NRXN3: variants seen among roughly 807,000 people sequenced by gnomAD.
NRXN3 encodes neurexin III.
In NRXN3, 32 loss-of-function variants were observed where a neutral mutation model predicts 137.6. That is an observed-to-expected ratio of 0.23 (90% CI 0.18 to 0.31). NRXN3 has a LOEUF of 0.31. Ranked by LOEUF, NRXN3 falls within the 10% of genes least tolerant of loss-of-function variation. The probability of loss-of-function intolerance (pLI) is 1.00; values close to 1 mark genes in which losing one functional copy is unlikely to be tolerated. For synonymous variants in NRXN3, 798 were observed against 784.5 expected, an observed-to-expected ratio of 1.02 and a Z score of -0.29; for missense variants, 1,574 against 2,062.5, an observed-to-expected ratio of 0.76 and a Z score of 4.59.
chr14:79,590,163 CAT>C (rs1206372690), intron 16 of NRXN3, among the ~76,000 whole-genome samples: 1 of 152,086 alleles, frequency 6.6e-6, no homozygotes, highest in Non-Finnish European at 1.5e-5. Flanking sequence ...ACAATTCCCA[CAT>C]GTCGTGGGAG....
At chr14:79,019,190 A>T (rs145292926) in intron 15 of NRXN3, among the ~76,000 whole-genome samples, 12 of 152,188 alleles carry the variant, frequency 7.9e-5, no homozygotes, top group Non-Finnish European at 1.5e-4. Flanking sequence ...TTTCCTCGTG[A>T]TGTTGATAAA....
intron 15 of NRXN3, among the ~76,000 whole-genome samples, chr14:79,274,914 C>CT (rs2080039485): frequency 6.6e-6 from 1 of 152,130 alleles, no homozygotes; most frequent in Non-Finnish European, 1.5e-5. Context: ...TATACATTCT[C>CT]TAAACTATAC....
chr14:78,228,987 G>A (rs1389179432), intron 1 of NRXN3, among the ~76,000 whole-genome samples: 1 of 152,184 alleles, frequency 6.6e-6, no homozygotes, highest in Non-Finnish European at 1.5e-5. Flanking sequence ...GGAAAAATGA[G>A]TAAAAAGGAA....
chr14:78,940,998 A>C (rs1014655278), intron 10 of NRXN3, among the ~76,000 whole-genome samples: 2 of 152,150 alleles, frequency 1.3e-5, no homozygotes, highest in African/African-American at 4.8e-5. Context: ...GCACATAACC[A>C]CATTTTCTCC....
chr14:78,183,009 TG>T (rs1243663449), intron 1 of NRXN3, among the ~76,000 whole-genome samples: 1 of 152,116 alleles, frequency 6.6e-6, no homozygotes, highest in East Asian at 1.9e-4. Context: ...CATCACCTGC[TG>T]GGTAATGCTA....
chr14:78,564,483 C>A (rs543645076), intron 4 of NRXN3, among the ~76,000 whole-genome samples: 1 of 152,148 alleles, frequency 6.6e-6, no homozygotes, highest in African/African-American at 2.4e-5. Flanking sequence ...GCCAGAATCT[C>A]TGTTTGTTTA....
chr14:79,424,178 C>T (rs1458622429), intron 15 of NRXN3, among the ~76,000 whole-genome samples: 4 of 152,308 alleles, frequency 2.6e-5, no homozygotes, highest in Middle Eastern at 3.4e-3. Context: ...CACAGACACA[C>T]ATACAGAGAC....
chr14:78,637,546 T>A (rs547447232), intron 4 of NRXN3, among the ~76,000 whole-genome samples: 5 of 152,334 alleles, frequency 3.3e-5, no homozygotes. Context: ...AGCAACTCTA[T>A]GAAATATGTA....
intron 4 of NRXN3, among the ~76,000 whole-genome samples, chr14:78,466,432 A>G (rs4903764): frequency 0.98 from 148,512 of 152,286 alleles, 72,505 homozygotes; most frequent in Non-Finnish European, 1. Flanking sequence ...TAGTATTTCT[A>G]TGGACAGAGG....
At chr14:79,326,688 A>G (rs1191239548) in intron 15 of NRXN3, among the ~76,000 whole-genome samples, 2 of 152,208 alleles carry the variant, frequency 1.3e-5, no homozygotes, top group Non-Finnish European at 2.9e-5. Context: ...TGAAATAAAT[A>G]TAAAAGATCT....
Position 78,993,212 on chromosome 14 carries a change from T to C in NRXN3, c.3262+5071T>C, listed in dbSNP as rs529585369. Among the ~76,000 whole-genome samples the C allele has an allele frequency of 9.2e-5, 14 of 152,288 alleles. No homozygotes were observed. In the South Asian group the frequency reaches 2.9e-3, roughly 32 times the overall value. On this transcript the variant is annotated intron_variant, in intron 15 of 20. Transcript: ENST00000335750. ...TTTATTTATTGTGTGGGTTTATTTATTTTTTTAATGTAGGTTGGTGTATTG... is the reference window on the plus strand; with the variant it reads ...TTTATTTATTGTGTGGGTTTATTTACTTTTTTAATGTAGGTTGGTGTATTG...
intron 4 of NRXN3, among the ~76,000 whole-genome samples, chr14:78,493,706 T>A (rs1414000084): frequency 6.6e-6 from 1 of 151,936 alleles, no homozygotes; most frequent in African/African-American, 2.4e-5. Flanking sequence ...GGGAGATACT[T>A]AGAGAAAAAA....
chr14:79,708,349 G>A (rs1371349378), intron 19 of NRXN3, among the ~76,000 whole-genome samples: 2 of 152,024 alleles, frequency 1.3e-5, no homozygotes, highest in Non-Finnish European at 2.9e-5. Flanking sequence ...TTTATATTGA[G>A]GACTTGAGGA....
chr14:79,807,559 G>A (rs866271761), intron 20 of NRXN3, among the ~76,000 whole-genome samples: 10 of 152,114 alleles, frequency 6.6e-5, no homozygotes, highest in South Asian at 2.1e-4. Flanking sequence ...TAGAGGCCAC[G>A]CAGGTATTTT....
In NRXN3 at chr14:79,861,491, T is replaced by G. The variant is rs1568484481; in HGVS notation, c.4243T>G (p.Ser1415Ala). ...LSPELIRFTA[S>A]SSSGMVPKLP... ...CCCTGAGCTGATCCGCTTCACAGCT[T>G]CCTCCTCGTCTGGGATGGTGCCCAA... The change falls in exon 21 of 21, where the codon TCC becomes GCC. Residue 1415 changes from serine (S) to alanine (A), a missense_variant. Coordinates refer to ENST00000335750, the MANE Select transcript of NRXN3 (RefSeq NM_001330195.2). The surrounding 1 kb of genome is among the most constrained non-coding windows in gnomAD (Gnocchi z 5.4). 6.5e-7 allele frequency: 1 copy of G among 1,538,434 alleles called. No individual in the cohort carries two copies. Among genetic ancestry groups the G allele is most frequent in the Non-Finnish European group, 8.7e-7 (1 of 1,147,130 alleles).
intron 16 of NRXN3, among the ~76,000 whole-genome samples, chr14:79,651,641 T>C (rs192520995): frequency 9.9e-4 from 151 of 152,254 alleles, no homozygotes; most frequent in Non-Finnish European, 1.8e-3. Flanking sequence ...AATTAGAGAA[T>C]AAATCTGGTT....
At chr14:78,258,147 T>G (rs1372396150) in intron 2 of NRXN3, among the ~76,000 whole-genome samples, 2 of 152,206 alleles carry the variant, frequency 1.3e-5, no homozygotes, top group Non-Finnish European at 2.9e-5. Context: ...GAGGTTTAAA[T>G]GAGATAGTGC....
At chr14:78,511,891 A>T (rs1375813989) in intron 4 of NRXN3, among the ~76,000 whole-genome samples, 1 of 152,156 alleles carries the variant, frequency 6.6e-6, no homozygotes, top group Admixed American at 6.5e-5. Context: ...CACTTCTATG[A>T]GAGCATCAGT....
chr14:79,722,430 T>C (rs2098847868), intron 19 of NRXN3, among the ~76,000 whole-genome samples: 1 of 152,096 alleles, frequency 6.6e-6, no homozygotes, highest in African/African-American at 2.4e-5. Flanking sequence ...TTCCAACTCA[T>C]ATTACCCTAC....
Sources: allele counts gnomAD v4.1 joint callset (sites outside exome capture counted in the v4.1 genomes callset), GRCh38; gene constraint gnomAD v4.1.1; non-coding constraint Gnocchi (gnomAD v3.1); transcripts MANE v1.5; gene names NCBI Gene and HGNC (gene_info 2026-07-23, HGNC 2026-07-21).